AGPAT3: variants seen among roughly 807,000 people sequenced by gnomAD.
AGPAT3 encodes 1-acylglycerol-3-phosphate O-acyltransferase 3.
AGPAT3 carries 5 observed loss-of-function variants against 47.3 expected under a neutral mutation model. The ratio of observed to expected loss-of-function variants is 0.11; its 90% CI spans 0.06 to 0.22. The LOEUF is 0.22. AGPAT3 is among the 10% of genes least tolerant of loss of function. The pLI is 1.00. For synonymous variants in AGPAT3, 212 were observed against 208.3 expected (o/e 1.02, Z -0.15); for missense variants, 315 against 493.0 (o/e 0.64, Z 3.42).
In AGPAT3 at chr21:43,934,410, G is replaced by A. The variant is rs1278480011; in HGVS notation, c.-48-25224G>A. Among the ~76,000 whole-genome samples, 1 of 152,256 alleles carries A rather than the reference G, an allele frequency of 6.6e-6. No individual in the cohort carries two copies. The highest frequency in any genetic ancestry group is 1.5e-5 in the Non-Finnish European group (1 of 68,048). On this transcript the variant is annotated intron_variant, in intron 2 of 9. Transcript: ENST00000291572. The surrounding 1 kb of genome is among the most constrained non-coding windows in gnomAD (Gnocchi z 4.7). The stretch of plus-strand genomic sequence containing the variant: ...AGGCTCCGCAAGTCCCCAGGCCGTC[G>A]GCTGCCTGGCCCTGGCCTGCGTGGC...
In AGPAT3 at chr21:43,984,897, A is replaced by G. The variant is rs1202711751; in HGVS notation, c.*2505A>G. On this transcript the variant is annotated 3_prime_UTR_variant, in exon 10 of 10. Coordinates refer to ENST00000291572, the MANE Select transcript of AGPAT3 (RefSeq NM_020132.5). ...AGGCTGAAGCAACTCTGTAGCCCAC[A>G]GTCCGTGCTGGCCACTGTCGGGGTG... 2.9e-6 allele frequency: 1 copy of G among 349,220 alleles called. No homozygotes were observed. The highest frequency in any genetic ancestry group is 2.1e-5 in the African/African-American group (1 of 46,612). The allele number at this position is 349,220 out of a possible 1,614,324, so 21.6% of individuals were successfully genotyped here. A position where few individuals can be genotyped will look rare whatever the true frequency, so the allele number is the denominator to read the frequency against.
chr21:43,865,557 G>A (rs554554872), intron 1 of AGPAT3, among the ~76,000 whole-genome samples: 1 of 149,122 alleles, frequency 6.7e-6, no homozygotes, highest in African/African-American at 2.4e-5. Flanking sequence ...GTCTGGGCCC[G>A]GGTCCTGTGC....
chr21:43,952,553 C>A lies in AGPAT3; in HGVS notation c.-48-7081C>A, dbSNP rs1352270030. On this transcript the variant is annotated intron_variant, in intron 2 of 9. Transcript: ENST00000291572. This position sits in a 1 kb window ranked among gnomAD's most constrained non-coding sequence, Gnocchi z 5.6. Reference sequence around the variant, plus strand: ...CTCCCCTGATCTAAGAAGGTGCACACCCCGGTAGCTTGTGCAGGGGCCAGG... The same window carrying A: ...CTCCCCTGATCTAAGAAGGTGCACAACCCGGTAGCTTGTGCAGGGGCCAGG... Among the ~76,000 whole-genome samples, 6 of 152,124 alleles carry A rather than the reference C, an allele frequency of 3.9e-5. No homozygotes were observed. Among genetic ancestry groups the A allele is most frequent in the African/African-American group, 9.7e-5 (4 of 41,434 alleles).
rs760530338 is a variant in AGPAT3, at chr21:43,932,726, C to G, written c.-48-26908C>G. Among the ~76,000 whole-genome samples the G allele has an allele frequency of 6.6e-6, 1 of 152,264 alleles. No individual in the cohort carries two copies. Among genetic ancestry groups the G allele is most frequent in the Non-Finnish European group, 1.5e-5 (1 of 68,038 alleles). Reference sequence around the variant, plus strand: ...AGTGCGATGGCACGGTCTCGGCTCACTGCAAGCTCCGCCTCTTGGGTTCAA... The same window carrying G: ...AGTGCGATGGCACGGTCTCGGCTCAGTGCAAGCTCCGCCTCTTGGGTTCAA... On this transcript the variant is annotated intron_variant, in intron 2 of 9. Transcript: ENST00000291572. The surrounding 1 kb of genome is among the most constrained non-coding windows in gnomAD (Gnocchi z 5.2).
intron 2 of AGPAT3, among the ~76,000 whole-genome samples, chr21:43,906,907 C>T (rs887789805): frequency 7.2e-5 from 11 of 152,102 alleles, no homozygotes; most frequent in East Asian, 1.9e-4. Flanking sequence ...GCAAGGCCCT[C>T]GTAAGTGCAG....
In AGPAT3 at chr21:43,905,424, G is replaced by A. The variant is rs544616300; in HGVS notation, c.-49+1405G>A. Reference sequence around the variant, plus strand: ...AGGATGGTCTCTATTGCTTGACCTCGTGATCCACCTGCCTCGGCCTCCCAA... The same window carrying A: ...AGGATGGTCTCTATTGCTTGACCTCATGATCCACCTGCCTCGGCCTCCCAA... On this transcript the variant is annotated intron_variant, in intron 2 of 9. Coordinates refer to ENST00000291572, the MANE Select transcript of AGPAT3 (RefSeq NM_020132.5). Among the ~76,000 whole-genome samples, 9 of 152,076 alleles carry A rather than the reference G, an allele frequency of 5.9e-5. 1 individual carries two copies. The highest frequency in any genetic ancestry group is 3.9e-4 in the Admixed American group (6 of 15,272).
Position 43,959,659 on chromosome 21 carries a change from T to C in AGPAT3, c.-23T>C, listed in dbSNP as rs1323644234. 2 of 1,610,506 alleles carry C rather than the reference T, an allele frequency of 1.2e-6. No homozygotes were observed. The highest frequency in any genetic ancestry group is 1.7e-6 in the Non-Finnish European group (2 of 1,179,844). ...GACGGCTGTCCTCAGCGAGGGGCCG[T>C]GCACCCGCTCCTGAGCAGCGCCATG... is the stretch of plus-strand genomic sequence containing the variant. On this transcript the variant is annotated 5_prime_UTR_variant, in exon 3 of 10. Transcript: ENST00000291572.
intron 1 of AGPAT3, among the ~76,000 whole-genome samples, chr21:43,873,394 C>G (rs2085665179): frequency 2.0e-5 from 3 of 152,194 alleles, no homozygotes; most frequent in Admixed American, 2.0e-4. Flanking sequence ...CGCGCACCAG[C>G]AAAACCCATG....
intron 8 of AGPAT3, among the ~76,000 whole-genome samples, chr21:43,979,488 A>G (rs971227392): frequency 2.6e-5 from 4 of 152,154 alleles, no homozygotes; most frequent in African/African-American, 9.7e-5. Flanking sequence ...TGGAAACAGA[A>G]GATAAAGATT....
chr21:43,941,389 A>G (rs887522331), intron 2 of AGPAT3, among the ~76,000 whole-genome samples: 2 of 152,142 alleles, frequency 1.3e-5, no homozygotes, highest in Non-Finnish European at 2.9e-5. Flanking sequence ...TTATGTAAAA[A>G]CGATCAATAC....
intron 2 of AGPAT3, among the ~76,000 whole-genome samples, chr21:43,913,897 T>C (rs2086678973): frequency 6.6e-6 from 1 of 152,342 alleles, no homozygotes; most frequent in South Asian, 2.1e-4. Context: ...GTGAGAACAT[T>C]AAAAAATATT....
chr21:43,873,736 C>T lies in AGPAT3; in HGVS notation c.-112+8391C>T, dbSNP rs2085674783. Among the ~76,000 whole-genome samples, 3 of 152,190 alleles carry T rather than the reference C, an allele frequency of 2.0e-5. No individual in the cohort carries two copies. In the South Asian group the frequency reaches 6.2e-4, roughly 31 times the overall value. ...TATTTTCTTAATTTTTAAATCTCTA[C>T]TATATCTGACAGTAAATCACCCTTT... On this transcript the variant is annotated intron_variant, in intron 1 of 9. Transcript: ENST00000291572.
At chr21:43,915,179 G>A (rs1240789922) in intron 2 of AGPAT3, among the ~76,000 whole-genome samples, 1 of 151,772 alleles carries the variant, frequency 6.6e-6, no homozygotes, top group Non-Finnish European at 1.5e-5. Flanking sequence ...AGCCTCCCGA[G>A]TAGCTGGGAT....
chr21:43,935,530 G>A (rs1445618752), intron 2 of AGPAT3, among the ~76,000 whole-genome samples: 1 of 152,244 alleles, frequency 6.6e-6, no homozygotes, highest in East Asian at 1.9e-4. Context: ...GGCCTGCAGG[G>A]CGGCCTCTGC....
chr21:43,979,774 G>A lies in AGPAT3; in HGVS notation c.844-1215G>A, dbSNP rs1168705793. Among the ~76,000 whole-genome samples, 4 of 152,268 alleles carry A rather than the reference G, an allele frequency of 2.6e-5. No individual in the cohort carries two copies. In the East Asian group the frequency reaches 7.7e-4, roughly 29 times the overall value. ...CCAAAATGTGTGTGCCAGGACACTC[G>A]GGGACATTCCGGAGGCAGGGAGCTG... is the stretch of plus-strand genomic sequence containing the variant. On this transcript the variant is annotated intron_variant, in intron 8 of 9. Coordinates refer to ENST00000291572, the MANE Select transcript of AGPAT3 (RefSeq NM_020132.5).
In AGPAT3 at chr21:43,943,499, G is replaced by T. The variant is rs2087741035; in HGVS notation, c.-48-16135G>T. On this transcript the variant is annotated intron_variant, in intron 2 of 9. Transcript: ENST00000291572. ...GCCCTGCACGCACAGTGGTGAGCAG[G>T]CAGTCCTCACCCTCCTGGGGCTCGA... Among the ~76,000 whole-genome samples, 3 of 152,196 alleles carry T rather than the reference G, an allele frequency of 2.0e-5. No individual in the cohort carries two copies. In the South Asian group the frequency reaches 6.2e-4, roughly 31 times the overall value.
intron 1 of AGPAT3, among the ~76,000 whole-genome samples, chr21:43,872,537 A>G (rs1218708131): frequency 6.6e-6 from 1 of 152,208 alleles, no homozygotes; most frequent in Non-Finnish European, 1.5e-5. Context: ...TTCTGTAGAA[A>G]TGCAGTTGAC....
At chr21:43,971,655 C>T (rs1028098481) in intron 7 of AGPAT3, among the ~76,000 whole-genome samples, 165 bp downstream of exon 7, 1 of 152,214 alleles carries the variant, frequency 6.6e-6, no homozygotes, top group African/African-American at 2.4e-5. Context: ...TGAGCAGACA[C>T]AGGAGAGGCC....
chr21:43,917,091 G>A (rs542964905), intron 2 of AGPAT3, among the ~76,000 whole-genome samples: 10 of 152,330 alleles, frequency 6.6e-5, no homozygotes, highest in African/African-American at 2.4e-4. Flanking sequence ...CTGCGGGCAA[G>A]TGAGGGGGGC....
Sources: gnomAD v4.1 joint callset for allele counts (sites outside exome capture counted in the v4.1 genomes callset) on GRCh38, gnomAD v4.1.1 for gene constraint, Gnocchi (gnomAD v3.1) non-coding constraint, MANE v1.5 for transcripts, NCBI Gene and HGNC (gene_info 2026-07-23, HGNC 2026-07-21) for gene names.